The following TBCK variants were observed in gnomAD, a reference collection of about 807,000 sequenced individuals.
TBCK encodes TBC1 domain containing kinase, also known as TBC domain-containing protein kinase-like protein.
TBCK carries 99 observed loss-of-function variants against 113.4 expected under a neutral mutation model. The ratio of observed to expected loss-of-function variants is 0.87; its 90% CI spans 0.74 to 1.03. The LOEUF (loss-of-function observed/expected upper bound fraction) is 1.03. Ranked by LOEUF, TBCK falls within the 50% of genes least tolerant of loss-of-function variation. The pLI is 0.00. For missense variants in TBCK, 1,045 were observed against 1,061.3 expected (o/e 0.98, Z 0.21); for synonymous variants, 369 against 370.8 (o/e 1.00, Z 0.05).
intron 19 of TBCK, among the ~76,000 whole-genome samples, chr4:106,226,956 T>C (rs558271234): frequency 1.3e-4 from 20 of 152,214 alleles, no homozygotes; most frequent in African/African-American, 4.8e-4. Context: ...ACATGGTCCT[T>C]GAAGTCAATG....
intron 2 of TBCK, among the ~76,000 whole-genome samples, chr4:106,303,852 C>G (rs1313433433): frequency 6.6e-6 from 1 of 152,136 alleles, no homozygotes; most frequent in Non-Finnish European, 1.5e-5. Flanking sequence ...CAAGAATAAG[C>G]AGTAAGGGTT....
chr4:106,085,061 G>C (rs1739342713), intron 25 of TBCK, among the ~76,000 whole-genome samples: 1 of 152,150 alleles, frequency 6.6e-6, no homozygotes, highest in East Asian at 1.9e-4. Flanking sequence ...TAACCAAATA[G>C]CATCATGATG....
chr4:106,193,713 G>T lies in TBCK; in HGVS notation c.1955C>A (p.Ser652Tyr). The change falls in exon 22 of 26, where the codon TCC becomes TAC. Residue 652 changes from serine to tyrosine, a missense_variant. Physicochemically the swap from Ser to Tyr is moderately radical, Grantham distance 144. Transcript: ENST00000394708. ...HLWDTLLLGN[S>Y]SFPFCIGVAI... ...TACTCCAATACAGAATGGGAAAGAG[G>T]AATTCCCAAGTAGTAAGGTATCCCA... 1 of 1,611,064 alleles carries T rather than the reference G, an allele frequency of 6.2e-7. No individual in the cohort carries two copies. The highest frequency in any genetic ancestry group is 8.5e-7 in the Non-Finnish European group (1 of 1,178,736).
Position 106,171,885 on chromosome 4 carries a change from C to T in TBCK, c.2060-615G>A, listed in dbSNP as rs571413442. Reference sequence around the variant, plus strand: ...TTGTTCTGTCTCCTAGGCTGGAGTGCAGTGGTGCAATCACGGCTCACTGCA... The same window carrying T: ...TTGTTCTGTCTCCTAGGCTGGAGTGTAGTGGTGCAATCACGGCTCACTGCA... On this transcript the variant is annotated intron_variant, in intron 22 of 25. Coordinates refer to ENST00000394708, the MANE Select transcript of TBCK (RefSeq NM_001163435.3). 3.1e-4 allele frequency among the ~76,000 whole-genome samples: 47 copies of T among 152,040 alleles called. No homozygotes were observed. The East Asian group carries it at 6.4e-3, about 21-fold the overall frequency.
intron 23 of TBCK, among the ~76,000 whole-genome samples, chr4:106,144,532 A>G (rs1262887123): frequency 6.6e-6 from 1 of 152,196 alleles, no homozygotes; most frequent in African/African-American, 2.4e-5. Context: ...GAAGTGTTGA[A>G]AAGTGCCTGG....
chr4:106,072,010 C>G (rs905530173), intron 25 of TBCK, among the ~76,000 whole-genome samples: 1 of 152,236 alleles, frequency 6.6e-6, no homozygotes, highest in Non-Finnish European at 1.5e-5. Context: ...TGACATGGGT[C>G]TCCTGAATGC....
intron 20 of TBCK, among the ~76,000 whole-genome samples, chr4:106,212,075 T>C (rs1321802986): frequency 3.3e-5 from 5 of 152,146 alleles, no homozygotes; most frequent in African/African-American, 1.2e-4. Context: ...ACAATTTCCT[T>C]TGCACCCACG....
At chr4:106,264,321 AAAG>A (rs1443428690) in intron 3 of TBCK, among the ~76,000 whole-genome samples, 1 of 152,028 alleles carries the variant, frequency 6.6e-6, no homozygotes, top group African/African-American at 2.4e-5. Context: ...TAGAAATCTA[AAAG>A]AAGTAAAAAA....
intron 20 of TBCK, among the ~76,000 whole-genome samples, chr4:106,202,262 A>G (rs894395454): frequency 6.6e-6 from 1 of 151,980 alleles, no homozygotes; most frequent in Non-Finnish European, 1.5e-5. Context: ...TATTTTATTT[A>G]TCAGTAACAA....
intron 23 of TBCK, among the ~76,000 whole-genome samples, chr4:106,169,073 G>C (rs1276930022): frequency 1.3e-5 from 2 of 152,018 alleles, no homozygotes; most frequent in African/African-American, 4.8e-5. Flanking sequence ...TAAAATATCT[G>C]AAGCACTTTT....
chr4:106,295,132 A>G lies in TBCK; in HGVS notation c.228T>C (p.Arg76=), dbSNP rs2125846623. The G allele has an allele frequency of 6.2e-7, 1 of 1,613,718 alleles. No individual in the cohort carries two copies. ...TTTCTCGAAGCAAGTCTTCCAGACT[A>G]CGTTCACAATGTTCAGCCACGACCA... ...RLVVVAEHCE[R]SLEDLLRERK... Residue 76 remains arginine, a synonymous_variant, in exon 3 of 26, where the codon CGT becomes CGC. Transcript: ENST00000394708.
At chr4:106,286,742 G>A (rs571810472) in intron 3 of TBCK, among the ~76,000 whole-genome samples, 12 of 152,164 alleles carry the variant, frequency 7.9e-5, no homozygotes, top group South Asian at 2.1e-4. Context: ...TGGAAGGATC[G>A]CTTGAGCCCA....
intron 23 of TBCK, among the ~76,000 whole-genome samples, chr4:106,127,090 C>A (rs1211967029): frequency 1.3e-5 from 2 of 151,826 alleles, no homozygotes; most frequent in East Asian, 1.9e-4. Context: ...TGCCTGTAAT[C>A]CCAGCTACTC....
intron 23 of TBCK, among the ~76,000 whole-genome samples, chr4:106,153,199 T>C (rs769701306): frequency 1.6e-4 from 25 of 152,204 alleles, no homozygotes; most frequent in Middle Eastern, 6.8e-3. Flanking sequence ...TAGGCACTTA[T>C]AGCTATTAAC....
chr4:106,089,680 GA>G (rs1310867465), intron 25 of TBCK, among the ~76,000 whole-genome samples: 7 of 152,212 alleles, frequency 4.6e-5, no homozygotes, highest in African/African-American at 1.4e-4. Context: ...ATTATCATTT[GA>G]AAAGGGAGAA....
chr4:106,177,262 T>C (rs750521117), intron 22 of TBCK, among the ~76,000 whole-genome samples: 2 of 151,990 alleles, frequency 1.3e-5, no homozygotes, highest in Non-Finnish European at 2.9e-5. Context: ...GTTGAAGAGT[T>C]TGCACATTTC....
chr4:106,177,691 T>C (rs1751850199), intron 22 of TBCK, among the ~76,000 whole-genome samples: 1 of 151,964 alleles, frequency 6.6e-6, no homozygotes, highest in Non-Finnish European at 1.5e-5. Context: ...TTGGTCTATG[T>C]GCAGGTTTTT....
chr4:106,150,962 C>T (rs1166298945), intron 23 of TBCK, among the ~76,000 whole-genome samples: 1 of 151,934 alleles, frequency 6.6e-6, no homozygotes, highest in East Asian at 1.9e-4. Flanking sequence ...CAGTCCTTTC[C>T]TTAATGCACC....
chr4:106,293,223 C>T (rs1310973939), intron 3 of TBCK, among the ~76,000 whole-genome samples: 1 of 152,160 alleles, frequency 6.6e-6, no homozygotes, highest in Non-Finnish European at 1.5e-5. Flanking sequence ...AAGATTGGCA[C>T]AAAATCACTC....
Sources: allele counts gnomAD v4.1 joint callset (sites outside exome capture counted in the v4.1 genomes callset), GRCh38; gene constraint gnomAD v4.1.1; transcripts MANE v1.5; gene names NCBI Gene and HGNC (gene_info 2026-07-23, HGNC 2026-07-21).